SLC9A7: variants seen among roughly 807,000 people sequenced by gnomAD.
SLC9A7 encodes sodium/hydrogen exchanger 7.
A neutral mutation model predicts 52.6 loss-of-function variants in SLC9A7; 19 were observed. The ratio of observed to expected loss-of-function variants is 0.36; its 90% CI spans 0.25 to 0.53. SLC9A7 has a LOEUF of 0.53. SLC9A7 is among the 20% of genes least tolerant of loss of function. SLC9A7 has a pLI of 0.91. For missense variants in SLC9A7, 455 were observed against 597.9 expected, an observed-to-expected ratio of 0.76 and a Z score of 2.49; for synonymous variants, 226 against 252.1, an observed-to-expected ratio of 0.90 and a Z score of 0.98.
chrX:46,678,448 A>ATTTATTTAT (rs1298221513), intron 3 of SLC9A7, among the ~76,000 whole-genome samples: 59 of 107,242 alleles, frequency 5.5e-4, no homozygotes, highest in Non-Finnish European at 9.8e-4. Flanking sequence ...TTATTTATTT[A>ATTTATTTAT]TTTTTAGAGA....
chrX:46,683,703 C>A (rs1366220511), intron 1 of SLC9A7, among the ~76,000 whole-genome samples: 1 of 111,933 alleles, frequency 8.9e-6, no homozygotes, highest in Admixed American at 9.5e-5. Context: ...GATTAAAAAA[C>A]AAAAACAAAA....
chrX:46,626,068 A>C (rs1943123593), intron 14 of SLC9A7, among the ~76,000 whole-genome samples: 1 of 111,902 alleles, frequency 8.9e-6, no homozygotes, highest in African/African-American at 3.3e-5. Flanking sequence ...GCACTTTGGG[A>C]GGCCAAGACA....
Position 46,648,781 on chromosome X carries a change from C to T in SLC9A7, c.1367G>A (p.Gly456Asp). The T allele has an allele frequency of 8.3e-7, 1 of 1,209,038 alleles. No individual in the cohort carries two copies. Among genetic ancestry groups the T allele is most frequent in the Non-Finnish European group, 1.1e-6 (1 of 893,432 alleles). ...GAGCGGGTAGATGTGCGCGGCTCTG[C>T]CCAGGAAGATGGCAACCTGACCACA... ...IIGAFVAIFL[G>D]RAAHIYPLSF... is the part of the protein sequence containing the mutation. The change falls in exon 11 of 17, where the codon GGC (glycine) becomes GAC (aspartate). Residue 456 changes from glycine (G) to aspartate (D), a missense_variant. Coordinates refer to ENST00000616978, the MANE Select transcript of SLC9A7 (RefSeq NM_001257291.2).
chrX:46,742,902 A>C (rs1210660698), intron 1 of SLC9A7, among the ~76,000 whole-genome samples: 1 of 110,538 alleles, frequency 9.0e-6, no homozygotes, highest in African/African-American at 3.3e-5. Context: ...GTTCTTAAAA[A>C]TTAGCCGGGC....
At chrX:46,635,782 C>A in intron 12 of SLC9A7, 134 bp from the exon 13 acceptor site, 1 of 461,318 alleles carries the variant, frequency 2.2e-6, no homozygotes. Flanking sequence ...TTCTCTTAAA[C>A]TGTCCCCATC....
chrX:46,750,240 T>C (rs985092327), intron 1 of SLC9A7, among the ~76,000 whole-genome samples: 7 of 112,034 alleles, frequency 6.2e-5, no homozygotes, highest in Non-Finnish European at 1.3e-4. Context: ...CATCCTTTAA[T>C]AGATCCCAAT....
At chrX:46,758,482 T>A in intron 1 of SLC9A7, among the ~76,000 whole-genome samples, 1 of 112,173 alleles carries the variant, frequency 8.9e-6, no homozygotes, top group South Asian at 3.7e-4. Context: ...TTCATTTTCC[T>A]GGGTTCCCAA....
intron 13 of SLC9A7, among the ~76,000 whole-genome samples, chrX:46,633,251 T>C (rs1943250995): frequency 9.9e-6 from 1 of 100,806 alleles, no homozygotes; most frequent in Admixed American, 1.1e-4. Flanking sequence ...TTGGGGTCTC[T>C]TGGAGGGCCT....
intron 7 of SLC9A7, among the ~76,000 whole-genome samples, chrX:46,656,607 G>T (rs1257746726): frequency 1.2e-3 from 139 of 112,331 alleles, no homozygotes; most frequent in Non-Finnish European, 2.4e-3. Context: ...CGATCAACTG[G>T]AAGAAAGGGT....
intron 1 of SLC9A7, among the ~76,000 whole-genome samples, chrX:46,691,930 T>C (rs889531663): frequency 9.0e-6 from 1 of 111,280 alleles, no homozygotes; most frequent in African/African-American, 3.3e-5. Flanking sequence ...ATAATTGTCC[T>C]TGTATAAATG....
rs904445841 is a variant in SLC9A7 at position 46,635,477 on chromosome X, G to T, written c.1676+112C>A. 26 of 570,109 alleles carry T rather than the reference G, an allele frequency of 4.6e-5. 1 individual carries two copies. The South Asian group carries it at 7.6e-4, about 17-fold the overall frequency. The allele number at this position is 570,109 out of a possible 1,213,427, so 47.0% of individuals were successfully genotyped here. On this transcript the variant is annotated intron_variant, in intron 13 of 16. Coordinates refer to ENST00000616978, the MANE Select transcript of SLC9A7 (RefSeq NM_001257291.2). ...TTTTGCACCTTTACTAAAAGTGGGG[G>T]TTGGCACACGCAGGAAGGAAGAGAA... is the stretch of plus-strand genomic sequence containing the variant.
chrX:46,636,034 T>C (rs1943313848), intron 12 of SLC9A7, among the ~76,000 whole-genome samples: 1 of 112,217 alleles, frequency 8.9e-6, no homozygotes, highest in Admixed American at 9.4e-5. Context: ...ATGTTACACA[T>C]ATTTAAAGTG....
chrX:46,751,673 A>C (rs977502425), intron 1 of SLC9A7, among the ~76,000 whole-genome samples: 29 of 110,563 alleles, frequency 2.6e-4, no homozygotes, highest in Admixed American at 1.4e-3. Context: ...AGCCAGGCGT[A>C]GTGGTGAGCA....
chrX:46,648,862 G>T, intron 10 of SLC9A7, 65 bp from the exon 11 acceptor site: 1 of 812,099 alleles, frequency 1.2e-6, no homozygotes, highest in Non-Finnish European at 1.8e-6. Flanking sequence ...ACAACCTCCG[G>T]CTGAGCAGAG....
chrX:46,654,737 G>A (rs187380836), intron 7 of SLC9A7, among the ~76,000 whole-genome samples: 100 of 110,856 alleles, frequency 9.0e-4, no homozygotes, highest in Admixed American at 2.9e-3. Context: ...GTCACCTTTC[G>A]GGACCAGAGA....
intron 15 of SLC9A7, among the ~76,000 whole-genome samples, chrX:46,615,659 C>CAT (rs758950486): frequency 0.016 from 1,659 of 103,192 alleles, 17 homozygotes; most frequent in African/African-American, 0.035. Context: ...TATACATATA[C>CAT]ATATATATAT....
intron 3 of SLC9A7, among the ~76,000 whole-genome samples, chrX:46,676,391 T>C (rs1944120056): frequency 8.9e-6 from 1 of 112,058 alleles, no homozygotes; most frequent in Non-Finnish European, 1.9e-5. Context: ...GTGTTGTTAC[T>C]GTAGTGTGAG....
chrX:46,682,960 ATTTTTTTT>A (rs1169630244), intron 1 of SLC9A7, among the ~76,000 whole-genome samples: 1 of 64,908 alleles, frequency 1.5e-5, no homozygotes, highest in African/African-American at 7.0e-5. Context: ...CACCCGGCTA[ATTTTTTTT>A]TTTTTTTTTT....
chrX:46,648,842 G>A, intron 10 of SLC9A7, 45 bp from the exon 11 acceptor site: 1 of 966,586 alleles, frequency 1.0e-6, no homozygotes. Flanking sequence ...TTTCCAGAAT[G>A]GCATTCCACA....
Sources: gnomAD v4.1 joint callset for allele counts (sites outside exome capture counted in the v4.1 genomes callset) on GRCh38, gnomAD v4.1.1 for gene constraint, MANE v1.5 for transcripts, NCBI Gene and HGNC (gene_info 2026-07-23, HGNC 2026-07-21) for gene names.